DPYSL2: variants seen among roughly 807,000 people sequenced by gnomAD.
DPYSL2 encodes the protein dihydropyrimidinase like 2.
DPYSL2 carries 13 observed loss-of-function variants against 69.9 expected under a neutral mutation model. That is an observed-to-expected ratio of 0.19 (90% CI 0.12 to 0.30). The LOEUF is 0.30. Among genes scored for constraint, DPYSL2 ranks in the 10% least tolerant of loss-of-function variants. DPYSL2 has a pLI of 1.00. For synonymous variants in DPYSL2, 326 were observed against 359.1 expected, an observed-to-expected ratio of 0.91 and a Z score of 1.04; for missense variants, 587 against 918.9, an observed-to-expected ratio of 0.64 and a Z score of 4.67.
chr8:26,565,215 G>A lies in DPYSL2; in HGVS notation c.355-16754G>A, dbSNP rs1418825747. Among the ~76,000 whole-genome samples, 1 of 151,968 alleles carries A rather than the reference G, an allele frequency of 6.6e-6. No individual in the cohort carries two copies. Among genetic ancestry groups the A allele is most frequent in the Non-Finnish European group, 1.5e-5 (1 of 67,998 alleles). On this transcript the variant is annotated intron_variant, in intron 1 of 13. Transcript: ENST00000521913. The surrounding 1 kb of genome is among the most constrained non-coding windows in gnomAD (Gnocchi z 4.1). The stretch of plus-strand genomic sequence containing the variant: ...GCACTTAGGCTGGTTCCATATTTGT[G>A]CAACTGTGACTTGTGCTGCAATAAA...
chr8:26,644,715 G>A lies in DPYSL2; in HGVS notation c.1425+624G>A, dbSNP rs1267909548. Among the ~76,000 whole-genome samples, 1 of 152,064 alleles carries A rather than the reference G, an allele frequency of 6.6e-6. No individual in the cohort carries two copies. Among genetic ancestry groups the A allele is most frequent in the Non-Finnish European group, 1.5e-5 (1 of 68,018 alleles). On this transcript the variant is annotated intron_variant, in intron 10 of 13. Transcript: ENST00000521913. The surrounding 1 kb of genome is among the most constrained non-coding windows in gnomAD (Gnocchi z 4.5). The stretch of plus-strand genomic sequence containing the variant: ...AGGAACAAACTTCCTTAGCAACCAG[G>A]TGACTTACTCAGTTAATCCTCGTCT...
At chr8:26,545,766 CAAA>C (rs71216758) in intron 1 of DPYSL2, among the ~76,000 whole-genome samples, 1 of 143,944 alleles carries the variant, frequency 6.9e-6, no homozygotes. Flanking sequence ...GACTCCATCT[CAAA>C]AAAAAAAAAT....
At chr8:26,638,112 T>C (rs1241458841) in intron 8 of DPYSL2, 1 of 152,176 alleles carries the variant, frequency 6.6e-6, no homozygotes, top group African/African-American at 2.4e-5. Flanking sequence ...CTGAATTCAT[T>C]GAATGCATTT....
rs545132294 is a variant in DPYSL2 at position 26,626,461 on chromosome 8, C to G, written c.794-156C>G. ...ACCATTCTGTGTCTCCATTTCTCTC[C>G]TCTCTCTTTCTCTGTACTGAAACAC... is the stretch of plus-strand genomic sequence containing the variant. On this transcript the variant is annotated intron_variant, in intron 4 of 13. Coordinates refer to ENST00000521913, the MANE Select transcript of DPYSL2 (RefSeq NM_001197293.3). The surrounding 1 kb of genome is among the most constrained non-coding windows in gnomAD (Gnocchi z 4.3). Among the ~76,000 whole-genome samples the G allele has an allele frequency of 6.8e-6, 1 of 147,666 alleles. No homozygotes were observed. Among genetic ancestry groups the G allele is most frequent in the African/African-American group, 2.5e-5 (1 of 39,392 alleles).
Position 26,640,506 on chromosome 8 carries a change from C to T in DPYSL2, c.1127-2933C>T, listed in dbSNP as rs750583708. ...GGGTGTCTGTGGCCTGGCTGAGCTCCGGAAGTGCATCCACAGCACCCTCCT... is the reference window on the plus strand; with the variant it reads ...GGGTGTCTGTGGCCTGGCTGAGCTCTGGAAGTGCATCCACAGCACCCTCCT... On this transcript the variant is annotated intron_variant, in intron 8 of 13. Coordinates refer to ENST00000521913, the MANE Select transcript of DPYSL2 (RefSeq NM_001197293.3). This position sits in a 1 kb window ranked among gnomAD's most constrained non-coding sequence, Gnocchi z 4.2. 1.1e-4 allele frequency among the ~76,000 whole-genome samples: 16 copies of T among 152,086 alleles called. No homozygotes were observed. Among genetic ancestry groups the T allele is most frequent in the South Asian group, 2.1e-4 (1 of 4,824 alleles).
chr8:26,584,296 G>A (rs1038648426), intron 3 of DPYSL2, among the ~76,000 whole-genome samples: 2 of 152,164 alleles, frequency 1.3e-5, no homozygotes, highest in South Asian at 2.1e-4. Flanking sequence ...TGAAAACACG[G>A]CATTTGAAGT....
rs1800537372 is a variant in DPYSL2 at position 26,533,063 on chromosome 8, C to T, written c.354+18384C>T. On this transcript the variant is annotated intron_variant, in intron 1 of 13. Coordinates refer to ENST00000521913, the MANE Select transcript of DPYSL2 (RefSeq NM_001197293.3). The surrounding 1 kb of genome is among the most constrained non-coding windows in gnomAD (Gnocchi z 4.8). Reference sequence around the variant, plus strand: ...CTTGTTATTGTCTGTCTTTTTGATTCCAGCCATCCTACTGGGTATGAGTCA... The same window carrying T: ...CTTGTTATTGTCTGTCTTTTTGATTTCAGCCATCCTACTGGGTATGAGTCA... Among the ~76,000 whole-genome samples, 1 of 152,132 alleles carries T rather than the reference C, an allele frequency of 6.6e-6. No homozygotes were observed. The highest frequency in any genetic ancestry group is 1.5e-5 in the Non-Finnish European group (1 of 68,030).
intron 1 of DPYSL2, among the ~76,000 whole-genome samples, chr8:26,515,434 A>G (rs967409758): frequency 6.6e-6 from 1 of 152,228 alleles, no homozygotes; most frequent in African/African-American, 2.4e-5. Context: ...TAAGTGGATT[A>G]TGTTCAAAGG....
rs327237 is a variant in DPYSL2 at position 26,586,505 on chromosome 8, C to G, written c.628+2522C>G. Among the ~76,000 whole-genome samples the G allele has an allele frequency of 6.6e-6, 1 of 151,970 alleles. No individual in the cohort carries two copies. The highest frequency in any genetic ancestry group is 1.5e-5 in the Non-Finnish European group (1 of 67,990). On this transcript the variant is annotated intron_variant, in intron 3 of 13. Transcript: ENST00000521913. The surrounding 1 kb of genome is among the most constrained non-coding windows in gnomAD (Gnocchi z 4.7). Reference sequence around the variant, plus strand: ...GGTCTGCCTCTTCCCTCCACACGCTCGCCCCGTGCTTAGGCCCCCACTCTT... The same window carrying G: ...GGTCTGCCTCTTCCCTCCACACGCTGGCCCCGTGCTTAGGCCCCCACTCTT...
At position 26,582,933 on chromosome 8, in the gene DPYSL2, A is replaced by T. The variant is rs1801520638; in HGVS notation, c.444-866A>T. 6.6e-6 allele frequency among the ~76,000 whole-genome samples: 1 copy of T among 152,136 alleles called. No homozygotes were observed. The highest frequency in any genetic ancestry group is 2.4e-5 in the African/African-American group (1 of 41,416). On this transcript the variant is annotated intron_variant, in intron 2 of 13. Transcript: ENST00000521913. This position sits in a 1 kb window ranked among gnomAD's most constrained non-coding sequence, Gnocchi z 4.1. Reference sequence around the variant, plus strand: ...ATAGATTTTAACATTTCCACGTTTAATGTTTTCTCCATGTGTGTTTGCTGT... The same window carrying T: ...ATAGATTTTAACATTTCCACGTTTATTGTTTTCTCCATGTGTGTTTGCTGT...
chr8:26,622,109 C>A, intron 3 of DPYSL2, among the ~76,000 whole-genome samples: 1 of 44,480 alleles, frequency 2.2e-5, no homozygotes, highest in Admixed American at 2.1e-4. Context: ...TTCCTTCCTT[C>A]CTTCCTTCCT....
intron 1 of DPYSL2, among the ~76,000 whole-genome samples, chr8:26,568,400 C>T (rs946148398): frequency 6.6e-6 from 1 of 152,190 alleles, no homozygotes; most frequent in Non-Finnish European, 1.5e-5. Context: ...ATCTCCTGAT[C>T]CCCCTTGGTC....
chr8:26,564,682 G>A lies in DPYSL2; in HGVS notation c.355-17287G>A, dbSNP rs901412644. On this transcript the variant is annotated intron_variant, in intron 1 of 13. Coordinates refer to ENST00000521913, the MANE Select transcript of DPYSL2 (RefSeq NM_001197293.3). The surrounding 1 kb of genome is among the most constrained non-coding windows in gnomAD (Gnocchi z 4.8). ...GTGACAGCTGCTGAGAGGTGTGAGA[G>A]GGTGGCCAGATCAAGGACCAGTGGG... is the stretch of plus-strand genomic sequence containing the variant. Among the ~76,000 whole-genome samples the A allele has an allele frequency of 1.5e-4, 23 of 152,294 alleles. No individual in the cohort carries two copies. Among genetic ancestry groups the A allele is most frequent in the Middle Eastern group, 3.4e-3 (1 of 294 alleles).
At chr8:26,561,686 G>T (rs1308884244) in intron 1 of DPYSL2, among the ~76,000 whole-genome samples, 1 of 152,170 alleles carries the variant, frequency 6.6e-6, no homozygotes, top group East Asian at 1.9e-4. Context: ...ACTGGGGCAT[G>T]GTTTTGGGAT....
intron 1 of DPYSL2, among the ~76,000 whole-genome samples, chr8:26,523,372 A>G (rs998379783): frequency 3.3e-5 from 5 of 152,146 alleles, no homozygotes; most frequent in African/African-American, 1.2e-4. Context: ...TGTACAGTTC[A>G]GTGACGTTAA....
At chr8:26,637,331 T>G (rs1802944263) in intron 8 of DPYSL2, among the ~76,000 whole-genome samples, 1 of 152,256 alleles carries the variant, frequency 6.6e-6, no homozygotes. Context: ...CTTTCCCATC[T>G]TGCTGGAACT....
chr8:26,639,803 C>T (rs1439426177), intron 8 of DPYSL2, among the ~76,000 whole-genome samples: 2 of 152,156 alleles, frequency 1.3e-5, no homozygotes, highest in African/African-American at 4.8e-5. Context: ...ATGCCCTGTA[C>T]TCTCCTCTTT....
chr8:26,522,625 T>G (rs1283529773), intron 1 of DPYSL2, among the ~76,000 whole-genome samples: 1 of 152,198 alleles, frequency 6.6e-6, no homozygotes, highest in Non-Finnish European at 1.5e-5. Flanking sequence ...TTCTCCTGCT[T>G]TATGGGCCGT....
Position 26,585,704 on chromosome 8 carries a change from C to G in DPYSL2, c.628+1721C>G, listed in dbSNP as rs999019653. On this transcript the variant is annotated intron_variant, in intron 3 of 13. Coordinates refer to ENST00000521913, the MANE Select transcript of DPYSL2 (RefSeq NM_001197293.3). The surrounding 1 kb of genome is among the most constrained non-coding windows in gnomAD (Gnocchi z 4.0). ...TGAACTTGGAGAAGCTTAGACTATT[C>G]GGGTGTCAGCCGGGAAGGCCAAGTC... Among the ~76,000 whole-genome samples, 1 of 152,138 alleles carries G rather than the reference C, an allele frequency of 6.6e-6. No homozygotes were observed. Among genetic ancestry groups the G allele is most frequent in the Non-Finnish European group, 1.5e-5 (1 of 68,024 alleles).
Sources: allele counts gnomAD v4.1 joint callset (sites outside exome capture counted in the v4.1 genomes callset), GRCh38; gene constraint gnomAD v4.1.1; non-coding constraint Gnocchi (gnomAD v3.1); transcripts MANE v1.5; gene names NCBI Gene and HGNC (gene_info 2026-07-23, HGNC 2026-07-21).